Variants in ACSM3 observed in about 807,000 individuals in gnomAD.
ACSM3 encodes acyl-CoA synthetase medium chain family member 3.
ACSM3 carries 61 observed loss-of-function variants against 74.1 expected under a neutral mutation model. The ratio of observed to expected loss-of-function variants is 0.82; its 90% confidence interval spans 0.67 to 1.02. ACSM3 has a LOEUF of 1.02. Ranked by LOEUF, ACSM3 falls within the 50% of genes least tolerant of loss-of-function variation. The pLI, the probability that ACSM3 is intolerant of heterozygous loss-of-function variation, is 0.00. For missense variants in ACSM3, 660 were observed against 697.0 expected, an observed-to-expected ratio of 0.95 and a Z score of 0.60; for synonymous variants, 213 against 241.5, an observed-to-expected ratio of 0.88 and a Z score of 1.09.
intron 1 of ACSM3, among the ~76,000 whole-genome samples, chr16:20,717,575 A>G (rs2079766852): frequency 1.3e-5 from 2 of 152,212 alleles, no homozygotes; most frequent in South Asian, 4.1e-4. Flanking sequence ...CTCTTTCTCC[A>G]TCAGGACAGT....
intron 1 of ACSM3, among the ~76,000 whole-genome samples, chr16:20,742,813 A>ATATATATATATATATATTT (rs61582869): frequency 9.0e-5 from 6 of 66,814 alleles, no homozygotes; most frequent in African/African-American, 2.6e-4. Flanking sequence ...ATATATATAT[A>ATATATATATATATATATTT]TTTTTTTTTT....
chr16:20,753,105 G>A (rs2080000840), intron 2 of ACSM3, among the ~76,000 whole-genome samples: 1 of 151,924 alleles, frequency 6.6e-6, no homozygotes, highest in Middle Eastern at 3.4e-3. Flanking sequence ...TCAATAAAAT[G>A]CAATGTGTTG....
At chr16:20,755,256 G>T (rs1257366467) in intron 2 of ACSM3, among the ~76,000 whole-genome samples, 1 of 152,140 alleles carries the variant, frequency 6.6e-6, no homozygotes, top group Admixed American at 6.6e-5. Flanking sequence ...GTCTGTGTTT[G>T]AATTGAAAAT....
At chr16:20,729,250 T>C in intron 1 of ACSM3, 1 of 1,079,210 alleles carries the variant, frequency 9.3e-7, no homozygotes, top group East Asian at 2.4e-5. Context: ...AGAAAACTGC[T>C]GCCACGGTAA....
At chr16:20,706,331 A>G (rs2079727506) in intron 1 of ACSM3, among the ~76,000 whole-genome samples, 1 of 152,210 alleles carries the variant, frequency 6.6e-6, no homozygotes, top group Non-Finnish European at 1.5e-5. Context: ...GAGGAAAATG[A>G]TACATTACAC....
At chr16:20,776,451 TG>T (rs943663446) in intron 3 of ACSM3, among the ~76,000 whole-genome samples, 1 of 152,184 alleles carries the variant, frequency 6.6e-6, no homozygotes, top group Non-Finnish European at 1.5e-5. Context: ...CTGTGTCGCC[TG>T]GGAAGAGTAA....
intron 1 of ACSM3, chr16:20,722,231 T>C (rs2079788302): frequency 1.3e-5 from 2 of 152,146 alleles, no homozygotes; most frequent in Non-Finnish European, 2.9e-5. Context: ...TAACAATAAT[T>C]GGTAAGATTA....
At chr16:20,715,131 G>A (rs898547742) in intron 1 of ACSM3, among the ~76,000 whole-genome samples, 1 of 152,112 alleles carries the variant, frequency 6.6e-6, no homozygotes, top group African/African-American at 2.4e-5. Flanking sequence ...CTCCCTGCAA[G>A]GTATCAGATT....
chr16:20,680,577 G>C (rs76299878), intron 1 of ACSM3: 1 of 152,198 alleles, frequency 6.6e-6, no homozygotes, highest in South Asian at 2.1e-4. Flanking sequence ...CCAGTGTTTG[G>C]TTGTTAAAAA....
At chr16:20,791,630 A>G (rs2080599145) in intron 10 of ACSM3, among the ~76,000 whole-genome samples, 1 of 152,198 alleles carries the variant, frequency 6.6e-6, no homozygotes, top group African/African-American at 2.4e-5. Flanking sequence ...TTGAACATTT[A>G]AAAATCCAAT....
At chr16:20,734,089 C>T (rs2079848295) in intron 1 of ACSM3, 1 of 151,574 alleles carries the variant, frequency 6.6e-6, no homozygotes, top group South Asian at 2.1e-4. Flanking sequence ...GCTTGTGTAA[C>T]AACCGATTCT....
chr16:20,761,502 C>A (rs967162876), upstream of ACSM3, among the ~76,000 whole-genome samples: 1 of 152,136 alleles, frequency 6.6e-6, no homozygotes, highest in Non-Finnish European at 1.5e-5. Context: ...ACATGACACC[C>A]AAGCTGGTGT....
intron 1 of ACSM3, chr16:20,737,333 ATC>A (rs761605450): frequency 3.9e-6 from 6 of 1,529,112 alleles, no homozygotes; most frequent in Non-Finnish European, 4.4e-6. Flanking sequence ...ATACCATTAC[ATC>A]TGATAGATAC....
intron 7 of ACSM3, among the ~76,000 whole-genome samples, chr16:20,782,658 C>G (rs1041848727): frequency 6.6e-6 from 1 of 152,212 alleles, no homozygotes; most frequent in Non-Finnish European, 1.5e-5. Flanking sequence ...CCACAAGACT[C>G]TTTCCCATCT....
chr16:20,734,095 A>G (rs1021088919), intron 1 of ACSM3: 2 of 150,256 alleles, frequency 1.3e-5, no homozygotes, highest in Non-Finnish European at 3.0e-5. Context: ...GTAACAACCG[A>G]TTCTTACCAA....
chr16:20,788,649 CTTT>C (rs981996280), intron 9 of ACSM3, among the ~76,000 whole-genome samples: 1 of 152,112 alleles, frequency 6.6e-6, no homozygotes, highest in African/African-American at 2.4e-5. Flanking sequence ...TTATAATCTT[CTTT>C]GTTTGCTTTT....
At chr16:20,784,433 C>T (rs954381181) in intron 7 of ACSM3, 7 of 152,620 alleles carry the variant, frequency 4.6e-5, no homozygotes, top group African/African-American at 9.7e-5. Context: ...GTATAGTATT[C>T]CATTGTATAA....
At chr16:20,720,954 T>A (rs2079783106) in intron 1 of ACSM3, 1 of 152,218 alleles carries the variant, frequency 6.6e-6, no homozygotes. Context: ...TCCTCACAAA[T>A]GCTTAAGTTT....
At chr16:20,711,334 AT>A (rs752917326) in intron 1 of ACSM3, 10 of 383,560 alleles carry the variant, frequency 2.6e-5, no homozygotes, top group Non-Finnish European at 4.5e-5. Flanking sequence ...GTCTTGTACA[AT>A]ATCATTGGAG....
Sources: gnomAD v4.1 joint callset for allele counts (sites outside exome capture counted in the v4.1 genomes callset) on GRCh38, gnomAD v4.1.1 for gene constraint, MANE v1.5 for transcripts, NCBI Gene and HGNC (gene_info 2026-07-23, HGNC 2026-07-21) for gene names.